CD163L1: variants seen among roughly 807,000 people sequenced by gnomAD.
The protein encoded by CD163L1 is CD163 molecule like 1, also known as scavenger receptor cysteine-rich type 1 protein M160.
Under a neutral mutation model 165.4 loss-of-function variants are expected in CD163L1, and 124 were observed. The observed-to-expected ratio is 0.75, with a 90% CI of 0.65 to 0.87. The LOEUF (loss-of-function observed/expected upper bound fraction) is 0.87. Among genes scored for constraint, CD163L1 ranks in the 40% least tolerant of loss-of-function variants. The pLI, the probability that CD163L1 is intolerant of heterozygous loss-of-function variation, is 0.00. For synonymous variants in CD163L1, 585 were observed against 662.2 expected, an observed-to-expected ratio of 0.88 and a Z score of 1.79; for missense variants, 1,525 against 1,799.9, an observed-to-expected ratio of 0.85 and a Z score of 2.76.
chr12:7,359,269 C>A (rs1946842603), intron 18 of CD163L1, among the ~76,000 whole-genome samples: 1 of 151,360 alleles, frequency 6.6e-6, no homozygotes. Flanking sequence ...AGAATAAATG[C>A]CAAAAAAACA....
chr12:7,428,976 C>T (rs1948588207), intron 4 of CD163L1, among the ~76,000 whole-genome samples: 2 of 152,036 alleles, frequency 1.3e-5, no homozygotes, highest in South Asian at 4.1e-4. Flanking sequence ...GTTTCTTCTA[C>T]AAAAACTGAC....
At chr12:7,326,301 C>T in the CD163L1 span, among the ~76,000 whole-genome samples, 5 of 152,142 alleles carry the variant, frequency 3.3e-5, no homozygotes, top group African/African-American at 1.2e-4. Context: ...AACTGCTGGG[C>T]TCAGTCGATC....
chr12:7,421,785 G>A (rs115306944), intron 4 of CD163L1, among the ~76,000 whole-genome samples: 14,747 of 145,238 alleles, frequency 0.1, 1,345 homozygotes, highest in African/African-American at 0.23. Flanking sequence ...TCTTCTAAGT[G>A]AAGTAACTCA....
At chr12:7,339,177 T>C in the CD163L1 span, among the ~76,000 whole-genome samples, 3 of 152,156 alleles carry the variant, frequency 2.0e-5, no homozygotes, top group Admixed American at 2.0e-4. Context: ...TCTTAGAAAT[T>C]ATAATCTTAT....
chr12:7,390,849 T>C (rs1333467497), intron 8 of CD163L1, among the ~76,000 whole-genome samples: 2 of 152,208 alleles, frequency 1.3e-5, no homozygotes, highest in Non-Finnish European at 2.9e-5. Flanking sequence ...TTGTACTACA[T>C]GGGTGGTTGT....
downstream of CD163L1, among the ~76,000 whole-genome samples, chr12:7,344,087 G>GT (rs1399163217): frequency 5.9e-3 from 888 of 149,338 alleles, 3 homozygotes; most frequent in African/African-American, 9.9e-3. Context: ...CTTTTTTTTT[G>GT]TTTGTTTTTT....
chr12:7,389,960 T>TTTATATA (rs112087077), intron 8 of CD163L1, among the ~76,000 whole-genome samples: 1 of 135,964 alleles, frequency 7.4e-6, no homozygotes, highest in East Asian at 2.1e-4. Flanking sequence ...ATATATATAT[T>TTTATATA]TATATATATA....
At chr12:7,337,135 G>A in the CD163L1 span, among the ~76,000 whole-genome samples, 2 of 152,194 alleles carry the variant, frequency 1.3e-5, no homozygotes, top group East Asian at 1.9e-4. Context: ...ACAAAAACTG[G>A]ACCCCTTCCT....
At chr12:7,427,651 A>T (rs1314462739) in intron 4 of CD163L1, among the ~76,000 whole-genome samples, 1 of 152,072 alleles carries the variant, frequency 6.6e-6, no homozygotes, top group Non-Finnish European at 1.5e-5. Flanking sequence ...TTACATGTCC[A>T]ACAAACTCAT....
At chr12:7,405,776 G>A (rs954212613) in intron 5 of CD163L1, among the ~76,000 whole-genome samples, 15 of 152,172 alleles carry the variant, frequency 9.9e-5, no homozygotes, top group African/African-American at 3.6e-4. Flanking sequence ...AAGACAAACT[G>A]ACTCTCAGAG....
chr12:7,439,034 T>C, intron 2 of CD163L1: 3 of 1,605,322 alleles, frequency 1.9e-6, no homozygotes, highest in Non-Finnish European at 2.5e-6. Context: ...GGTATCCTCC[T>C]CAGCACTCAT....
At chr12:7,360,977 T>TGTTTC (rs1203655575) in intron 18 of CD163L1, among the ~76,000 whole-genome samples, 1 of 152,018 alleles carries the variant, frequency 6.6e-6, no homozygotes, top group Non-Finnish European at 1.5e-5. Flanking sequence ...TGTTTTGTTT[T>TGTTTC]GTTTTGTCTT....
intron 9 of CD163L1, among the ~76,000 whole-genome samples, chr12:7,376,686 A>C (rs756454813): frequency 6.6e-6 from 1 of 152,324 alleles, no homozygotes; most frequent in Admixed American, 6.5e-5. Context: ...AATATTTTGA[A>C]ATAATTCTTG....
chr12:7,444,059 C>G (rs753110236), intron 1 of CD163L1, 38 bp downstream of exon 1: 2 of 1,606,680 alleles, frequency 1.2e-6, no homozygotes, highest in South Asian at 2.2e-5. Context: ...TACCCACCAT[C>G]TCCCAAATGG....
chr12:7,354,644 G>T (rs1056539131), downstream of CD163L1, among the ~76,000 whole-genome samples: 1 of 152,102 alleles, frequency 6.6e-6, no homozygotes, highest in Non-Finnish European at 1.5e-5. Context: ...ATAAACAACA[G>T]AATTTTTTTC....
chr12:7,320,189 T>C, the CD163L1 span, among the ~76,000 whole-genome samples: 2 of 152,214 alleles, frequency 1.3e-5, no homozygotes, highest in African/African-American at 4.8e-5. Context: ...GGCCATATCT[T>C]ATTTAAGAAA....
In CD163L1 at chr12:7,398,976, A is replaced by G. The variant is rs1401873678; in HGVS notation, c.1409-392T>C. On this transcript the variant is annotated intron_variant, in intron 6 of 19. Transcript: ENST00000313599. The surrounding 1 kb of genome is among the most constrained non-coding windows in gnomAD (Gnocchi z 4.5). ...CATTAGCACCAAAGCTTATCCCCTC[A>G]TAGTCGTCATTTTAGTTTGTCCACT... 1.3e-5 allele frequency among the ~76,000 whole-genome samples: 2 copies of G among 152,190 alleles called. No individual in the cohort carries two copies. The highest frequency in any genetic ancestry group is 2.9e-5 in the Non-Finnish European group (2 of 68,032).
intron 18 of CD163L1, among the ~76,000 whole-genome samples, chr12:7,363,916 G>A (rs958060454): frequency 6.6e-6 from 1 of 151,886 alleles, no homozygotes; most frequent in Non-Finnish European, 1.5e-5. Context: ...GAAGAGGAGA[G>A]AACACTTCTA....
chr12:7,333,101 G>C, the CD163L1 span, among the ~76,000 whole-genome samples: 2 of 152,042 alleles, frequency 1.3e-5, no homozygotes, highest in African/African-American at 4.8e-5. Flanking sequence ...AGTTAACAAA[G>C]ATACCCAGGA....
Sources: gnomAD v4.1 joint callset for allele counts (sites outside exome capture counted in the v4.1 genomes callset) on GRCh38, gnomAD v4.1.1 for gene constraint, Gnocchi (gnomAD v3.1) non-coding constraint, MANE v1.5 for transcripts, NCBI Gene and HGNC (gene_info 2026-07-23, HGNC 2026-07-21) for gene names.